PLA2R1: variants seen among roughly 807,000 people sequenced by gnomAD.
The protein encoded by PLA2R1 is secretory phospholipase A2 receptor.
Under a neutral mutation model 195.9 loss-of-function variants are expected in PLA2R1, and 158 were observed. The ratio of observed to expected loss-of-function variants is 0.81; its 90% CI spans 0.71 to 0.92. The LOEUF (loss-of-function observed/expected upper bound fraction) is 0.92. Ranked by LOEUF, PLA2R1 falls within the 40% of genes least tolerant of loss-of-function variation. PLA2R1 has a pLI of 0.00. For missense variants in PLA2R1, 1,626 were observed against 1,764.6 expected, an observed-to-expected ratio of 0.92 and a Z score of 1.41; for synonymous variants, 586 against 598.2, an observed-to-expected ratio of 0.98 and a Z score of 0.30.
rs1198834502 is a variant in PLA2R1 at position 160,062,465 on chromosome 2, GA to G, written c.-63del. 4.1e-6 allele frequency: 6 copies of G among 1,468,156 alleles called. No individual in the cohort carries two copies. Among genetic ancestry groups the G allele is most frequent in the Non-Finnish European group, 5.4e-6 (6 of 1,113,168 alleles). The allele number at this position is 1,468,156 out of a possible 1,614,324, so 90.9% of individuals were successfully genotyped here. A position where few individuals can be genotyped will look rare whatever the true frequency, so the allele number is the denominator to read the frequency against. On this transcript the variant is annotated 5_prime_UTR_variant, in exon 1 of 30. Transcript: ENST00000283243. The stretch of plus-strand genomic sequence containing the variant: ...GGGAGCCCCTTATCCCGGGAGCCCA[GA>G]GCCGCGTCCCAAGCACCCGGCCCCG...
intron 11 of PLA2R1, among the ~76,000 whole-genome samples, chr2:159,996,814 A>G (rs952146852): frequency 6.6e-6 from 1 of 152,110 alleles, no homozygotes; most frequent in African/African-American, 2.4e-5. Context: ...CCAGTCTACT[A>G]TAAGGTCAGC....
chr2:160,026,366 G>T (rs1693523247), intron 6 of PLA2R1, among the ~76,000 whole-genome samples: 1 of 152,128 alleles, frequency 6.6e-6, no homozygotes, highest in Non-Finnish European at 1.5e-5. Flanking sequence ...TGTGGGTAAG[G>T]TAGATATTTA....
chr2:159,965,503 A>C (rs1490158604), intron 20 of PLA2R1, among the ~76,000 whole-genome samples: 2 of 152,190 alleles, frequency 1.3e-5, no homozygotes, highest in Non-Finnish European at 2.9e-5. Flanking sequence ...GCACTGAGTA[A>C]TATTCCATTG....
At chr2:160,052,909 A>G (rs1336858254) in intron 1 of PLA2R1, among the ~76,000 whole-genome samples, 1 of 152,258 alleles carries the variant, frequency 6.6e-6, no homozygotes, top group Non-Finnish European at 1.5e-5. Context: ...AGTGCAAGGT[A>G]GAAATGTTAA....
the PLA2R1 span, among the ~76,000 whole-genome samples, chr2:159,924,731 G>GGC: frequency 3.3e-5 from 2 of 59,958 alleles, no homozygotes; most frequent in East Asian, 7.8e-4. Context: ...CTGGGGGCTG[G>GGC]GGGGGGGGCG....
chr2:160,036,029 G>A (rs1694145266), intron 3 of PLA2R1, among the ~76,000 whole-genome samples: 1 of 152,084 alleles, frequency 6.6e-6, no homozygotes, highest in Admixed American at 6.5e-5. Flanking sequence ...AGTCTCCCTT[G>A]CTGATTTATT....
intron 3 of PLA2R1, among the ~76,000 whole-genome samples, chr2:160,034,933 C>T (rs1034871785): frequency 1.3e-5 from 2 of 152,092 alleles, no homozygotes; most frequent in African/African-American, 4.8e-5. Context: ...GTAGAAAATT[C>T]GACACCTGAC....
rs557587358 is a variant in PLA2R1, at chr2:159,991,364, T to C, written c.1835-4006A>G. ...TATATGGTGGCTCATTTCAGAGCTC[T>C]GATGAGCCTTAAAATGGATTGGCCT... On this transcript the variant is annotated intron_variant, in intron 11 of 29. Coordinates refer to ENST00000283243, the MANE Select transcript of PLA2R1 (RefSeq NM_007366.5). Among the ~76,000 whole-genome samples the C allele has an allele frequency of 1.2e-4, 19 of 152,192 alleles. 1 individual carries two copies. The South Asian group carries it at 3.9e-3, about 32-fold the overall frequency.
In PLA2R1 at chr2:159,983,950, G is replaced by T; in HGVS notation, c.2161C>A (p.Leu721Ile). 6.3e-7 allele frequency: 1 copy of T among 1,584,402 alleles called. No homozygotes were observed. The highest frequency in any genetic ancestry group is 1.1e-5 in the South Asian group (1 of 89,124). ...TACCAATTAAATTTTGAATGTAAGA[G>T]CTCATTCACAAAATTCTCTTCCTCA... ...HIEEENFVNE[L>I]LHSKFNWTEE... Residue 721 changes from leucine (L) to isoleucine (I), a missense_variant, in exon 13 of 30, where the codon CTC becomes ATC. Leu to Ile is a conservative substitution (Grantham distance 5, BLOSUM62 2). Transcript: ENST00000283243.
rs138886147 is a variant in PLA2R1, at chr2:160,031,907, C to T, written c.841+1052G>A. On this transcript the variant is annotated intron_variant, in intron 4 of 29. Coordinates refer to ENST00000283243, the MANE Select transcript of PLA2R1 (RefSeq NM_007366.5). ...TCAGTCTCCTTAGTAGCTGGGACTA[C>T]GGGTGCATGCCACCACGTCCGGCAA... Among the ~76,000 whole-genome samples, 661 of 152,266 alleles carry T rather than the reference C, an allele frequency of 4.3e-3. 5 individuals carry two copies. The highest frequency in any genetic ancestry group is 0.015 in the African/African-American group (632 of 41,550).
intron 18 of PLA2R1, among the ~76,000 whole-genome samples, chr2:159,969,569 GTCTCTC>G (rs111327300): frequency 2.0e-5 from 3 of 152,138 alleles, no homozygotes; most frequent in African/African-American, 7.2e-5. Flanking sequence ...TTGAGATGGA[GTCTCTC>G]TCTGTCACCC....
chr2:159,945,647 C>T (rs982115739), intron 27 of PLA2R1, among the ~76,000 whole-genome samples: 1 of 152,072 alleles, frequency 6.6e-6, no homozygotes, highest in South Asian at 2.1e-4. Context: ...TGAATAGTGC[C>T]GCAATAAACA....
chr2:159,973,349 T>C (rs1372653493), intron 17 of PLA2R1, among the ~76,000 whole-genome samples: 2 of 151,968 alleles, frequency 1.3e-5, no homozygotes, highest in Non-Finnish European at 2.9e-5. Context: ...TTGATATCCT[T>C]TCCCCTTGGA....
chr2:160,029,781 A>T (rs1208699114), intron 4 of PLA2R1, among the ~76,000 whole-genome samples: 1 of 152,234 alleles, frequency 6.6e-6, no homozygotes, highest in Non-Finnish European at 1.5e-5. Context: ...GAAAAAAACC[A>T]AAACCTAGTG....
At chr2:160,014,463 T>C (rs995595322) in intron 9 of PLA2R1, among the ~76,000 whole-genome samples, 3 of 152,162 alleles carry the variant, frequency 2.0e-5, no homozygotes, top group Non-Finnish European at 2.9e-5. Flanking sequence ...TGGTAAGACA[T>C]ACATTCATTA....
chr2:160,008,169 G>A (rs1158431990), intron 10 of PLA2R1, among the ~76,000 whole-genome samples: 2 of 152,066 alleles, frequency 1.3e-5, no homozygotes, highest in Non-Finnish European at 2.9e-5. Flanking sequence ...TGTGGGTGGT[G>A]GTGTTAGATG....
At chr2:160,062,034 C>G (rs369706945) in intron 1 of PLA2R1, among the ~76,000 whole-genome samples, 2 of 151,942 alleles carry the variant, frequency 1.3e-5, no homozygotes, top group African/African-American at 4.8e-5. Flanking sequence ...CGAGACCAAG[C>G]CCCCCCGCCC....
chr2:160,011,477 T>C (rs898002105), intron 10 of PLA2R1, among the ~76,000 whole-genome samples: 3 of 152,184 alleles, frequency 2.0e-5, no homozygotes, highest in African/African-American at 7.2e-5. Context: ...AATTTTCTAA[T>C]AAACTCTTGG....
In PLA2R1 at chr2:159,955,347, C is replaced by A. The variant is rs1377937893; in HGVS notation, c.3154-1G>T. ...CTTCAGTGGTATTGTGACTTGGAATCTTTAAAATAATACACGTTATCAAAA... is the reference window on the plus strand; with the variant it reads ...CTTCAGTGGTATTGTGACTTGGAATATTTAAAATAATACACGTTATCAAAA... On this transcript the variant is annotated splice_acceptor_variant, in intron 22 of 29. Transcript: ENST00000283243. LOFTEE classifies it high-confidence loss of function. The A allele has an allele frequency of 1.3e-6, 2 of 1,580,332 alleles. No individual in the cohort carries two copies. Among genetic ancestry groups the A allele is most frequent in the African/African-American group, 1.3e-5 (1 of 74,076 alleles).
Sources: gnomAD v4.1 joint callset for allele counts (sites outside exome capture counted in the v4.1 genomes callset) on GRCh38, gnomAD v4.1.1 for gene constraint, MANE v1.5 for transcripts, NCBI Gene and HGNC (gene_info 2026-07-23, HGNC 2026-07-21) for gene names.